Variants in AMOTL2 observed in about 807,000 individuals in gnomAD.
The protein encoded by AMOTL2 is angiomotin-like protein 2.
AMOTL2 carries 33 observed loss-of-function variants against 78.4 expected under a neutral mutation model. That is an observed-to-expected ratio of 0.42 (90% CI 0.32 to 0.56). AMOTL2 has a LOEUF of 0.56. AMOTL2 is among the 20% of genes least tolerant of loss of function. The pLI is 0.12. For synonymous variants in AMOTL2, 422 were observed against 428.8 expected (o/e 0.98, Z 0.20); for missense variants, 983 against 1,030.1 (o/e 0.95, Z 0.63).
chr3:134,364,061 G>A (rs540838812), intron 5 of AMOTL2, among the ~76,000 whole-genome samples: 49 of 152,312 alleles, frequency 3.2e-4, no homozygotes, highest in African/African-American at 1.2e-3. Context: ...AGGAGGGCAG[G>A]AAGGCAGGCG....
rs758673941 is a variant in AMOTL2, at chr3:134,370,920, C to T, written c.514G>A (p.Ala172Thr). 25 of 1,611,956 alleles carry T rather than the reference C, an allele frequency of 1.6e-5. No homozygotes were observed. Among genetic ancestry groups the T allele is most frequent in the Middle Eastern group, 3.3e-4 (2 of 6,044 alleles). The change falls in exon 2 of 10, where the codon GCC becomes ACC. Residue 172 changes from alanine to threonine, a missense_variant. Ala to Thr is a moderately conservative substitution (Grantham distance 58). Coordinates refer to ENST00000249883, the MANE Select transcript of AMOTL2 (RefSeq NM_016201.4). ...GAGCTCATGTGGCTGGGGGCCCGGG[C>T]GCCGTTCCTCTCCAGGGACAACTGA... ...LLQLSLERNGARAPSHMSSSH... is the reference protein window; with the variant it reads ...LLQLSLERNGTRAPSHMSSSH...
chr3:134,371,317 C>A lies in AMOTL2; in HGVS notation c.117G>T (p.Leu39=). 1 of 1,612,394 alleles carries A rather than the reference C, an allele frequency of 6.2e-7. No homozygotes were observed. Among genetic ancestry groups the A allele is most frequent in the African/African-American group, 1.3e-5 (1 of 75,040 alleles). The part of the protein sequence containing the change: ...RTLLAIQQQA[L]RGGAGTGGTG... ...TACCCCCAGTTCCAGCCCCACCCCTCAGGGCCTGCTGCTGGATGGCTAGCA... is the reference window on the plus strand; with the variant it reads ...TACCCCCAGTTCCAGCCCCACCCCTAAGGGCCTGCTGCTGGATGGCTAGCA... Residue 39 remains leucine (L), a synonymous_variant, in exon 2 of 10, where the codon CTG becomes CTT. Transcript: ENST00000249883.
In AMOTL2 at chr3:134,366,668, C is replaced by T; in HGVS notation, c.1042-241G>A. 9.0e-6 allele frequency: 4 copies of T among 442,090 alleles called. No homozygotes were observed. The South Asian group carries it at 1.1e-4, about 12-fold the overall frequency. The allele number at this position is 442,090 out of a possible 1,614,324, so 27.4% of individuals were successfully genotyped here. ...CCCAAGGACCAGATGCTGAGTGAAC[C>T]CAGGGCCAGGTACTTTGGAAGTAGC... is the stretch of plus-strand genomic sequence containing the variant. On this transcript the variant is annotated intron_variant, in intron 3 of 9. Coordinates refer to ENST00000249883, the MANE Select transcript of AMOTL2 (RefSeq NM_016201.4).
Position 134,371,024 on chromosome 3 carries a change from G to A in AMOTL2, c.410C>T (p.Pro137Leu), listed in dbSNP as rs139669173. The change falls in exon 2 of 10, where the codon CCG becomes CTG. Residue 137 changes from proline (P) to leucine (L), a missense_variant. Pro to Leu is a moderately conservative substitution (Grantham distance 98). Coordinates refer to ENST00000249883, the MANE Select transcript of AMOTL2 (RefSeq NM_016201.4). Reference protein sequence around the residue: ...HAGDRDPRGAPGGSRRQDEAL... With the variant: ...HAGDRDPRGALGGSRRQDEAL... ...CTCGTCCTGCCTCCGACTGCCTCCCGGGGCCCCACGGGGATCTCGGTCCCC... is the reference window on the plus strand; with the variant it reads ...CTCGTCCTGCCTCCGACTGCCTCCCAGGGCCCCACGGGGATCTCGGTCCCC... 5.5e-5 allele frequency: 88 copies of A among 1,604,266 alleles called. No individual in the cohort carries two copies. The highest frequency in any genetic ancestry group is 3.1e-4 in the Admixed American group (18 of 58,618).
chr3:134,361,490 C>T lies in AMOTL2; in HGVS notation c.1575+22G>A, dbSNP rs376131220. 5.7e-6 allele frequency: 9 copies of T among 1,583,408 alleles called. No individual in the cohort carries two copies. The African/African-American group carries it at 1.1e-4, about 19-fold the overall frequency. On this transcript the variant is annotated intron_variant, in intron 6 of 9. Coordinates refer to ENST00000249883, the MANE Select transcript of AMOTL2 (RefSeq NM_016201.4). ...CCAACATCCTCAGATGCTGCCCTAG[C>T]CTGGAGACTTTCTCAGCTCACCTGC...
rs530571349 is a variant in AMOTL2 at position 134,360,406 on chromosome 3, G to A, written c.1583C>T (p.Ala528Val). The A allele has an allele frequency of 1.2e-6, 2 of 1,610,406 alleles. No homozygotes were observed. Among genetic ancestry groups the A allele is most frequent in the Non-Finnish European group, 1.7e-6 (2 of 1,178,212 alleles). The change falls in exon 7 of 10, where the codon GCA becomes GTA. Residue 528 changes from alanine (A) to valine (V), a missense_variant. Physicochemically the swap from Ala to Val is moderately conservative, Grantham distance 64. Transcript: ENST00000249883. ...LKALRAQQRQAGAPGGSSGSG... is the reference protein window; with the variant it reads ...LKALRAQQRQVGAPGGSSGSG... ...GCCACTGCTACCACCTGGGGCACCT[G>A]CCTGTCTCTGCAGAGCAAGGAGTAG... is the stretch of plus-strand genomic sequence containing the variant.
In AMOTL2 at chr3:134,361,771, C is replaced by G; in HGVS notation, c.1316G>C (p.Arg439Pro). 1 of 1,575,994 alleles carries G rather than the reference C, an allele frequency of 6.3e-7. No individual in the cohort carries two copies. The highest frequency in any genetic ancestry group is 8.6e-7 in the Non-Finnish European group (1 of 1,158,128). ...EQQQEQEKLE[R>P]EMALLRGAIE... Reference sequence around the variant, plus strand: ...GGCGCCGCGCAGCAGTGCCATCTCTCGCTCCAGCTTCTCTTGCTCCTGCTG... The same window carrying G: ...GGCGCCGCGCAGCAGTGCCATCTCTGGCTCCAGCTTCTCTTGCTCCTGCTG... The change falls in exon 6 of 10, where the codon CGA becomes CCA. Residue 439 changes from arginine to proline, a missense_variant. Physicochemically the swap from Arg to Pro is moderately radical, Grantham distance 103. Transcript: ENST00000249883.
At chr3:134,363,693 G>A (rs2017473606) in intron 5 of AMOTL2, among the ~76,000 whole-genome samples, 1 of 152,188 alleles carries the variant, frequency 6.6e-6, no homozygotes, top group Admixed American at 6.5e-5. Flanking sequence ...AAAAGCAGAT[G>A]GCATTGGTGA....
chr3:134,369,842 C>T (rs1005738437), intron 2 of AMOTL2, among the ~76,000 whole-genome samples: 2 of 152,184 alleles, frequency 1.3e-5, no homozygotes, highest in Admixed American at 1.3e-4. Context: ...GGAAAAGATG[C>T]TGGGCAAGAT....
Position 134,367,741 on chromosome 3 carries a change from T to C in AMOTL2, c.797A>G (p.Gln266Arg). Reference protein sequence around the residue: ...LQQQQQYQYLQQSQEHPPPPH... With the variant: ...LQQQQQYQYLRQSQEHPPPPH... ...GGGAGGGGGGTGCTCCTGAGATTGC[T>C]GCAGGTACTGGTACTGCTGCTGCTG... Residue 266 changes from glutamine (Q) to arginine (R), a missense_variant, in exon 3 of 10, where the codon CAG becomes CGG. Physicochemically the swap from Gln to Arg is conservative, Grantham distance 43. Coordinates refer to ENST00000249883, the MANE Select transcript of AMOTL2 (RefSeq NM_016201.4). 1.2e-6 allele frequency: 2 copies of C among 1,613,826 alleles called. No homozygotes were observed. Among genetic ancestry groups the C allele is most frequent in the Non-Finnish European group, 1.7e-6 (2 of 1,180,002 alleles).
At chr3:134,373,939 C>T (rs2107751643) in intron 1 of AMOTL2, 2 of 647,646 alleles carry the variant, frequency 3.1e-6, no homozygotes, top group Non-Finnish European at 3.8e-6. Context: ...GGGGCAAAGG[C>T]ACCTGTAACC....
intron 3 of AMOTL2, 135 bp from the exon 4 acceptor site, chr3:134,366,562 A>G (rs2017613309): frequency 2.4e-6 from 2 of 850,092 alleles, no homozygotes; most frequent in South Asian, 1.8e-5. Context: ...CCAGGTGACT[A>G]TGGTGGGATG....
At chr3:134,373,925 G>C (rs905675758) in intron 1 of AMOTL2, 7 of 805,914 alleles carry the variant, frequency 8.7e-6, no homozygotes, top group Non-Finnish European at 7.5e-6. Context: ...TCTTGGACTA[G>C]TTGGGGGCAA....
rs1000307264 is a variant in AMOTL2 at position 134,358,554 on chromosome 3, C to T, written c.2270G>A (p.Arg757Lys). 6.2e-7 allele frequency: 1 copy of T among 1,613,592 alleles called. No individual in the cohort carries two copies. The highest frequency in any genetic ancestry group is 1.7e-5 in the Admixed American group (1 of 59,946). ...GGAGGACTTACCCAGAGAGGCTGCTCTCTGGCTACTGCTGCACCCCAGAAG... is the reference window on the plus strand; with the variant it reads ...GGAGGACTTACCCAGAGAGGCTGCTTTCTGGCTACTGCTGCACCCCAGAAG... Reference protein sequence around the residue: ...DSLLGCSSSQRAASLDSVATS... With the variant: ...DSLLGCSSSQKAASLDSVATS... Residue 757 changes from arginine to lysine, a missense_variant, in exon 9 of 10, where the codon AGA becomes AAA. Arg to Lys is a conservative substitution (Grantham distance 26). Transcript: ENST00000249883.
upstream of AMOTL2, chr3:134,374,673 C>A: frequency 2.0e-6 from 2 of 983,016 alleles, no homozygotes; most frequent in African/African-American, 3.5e-5. Context: ...GCCCGGCCCC[C>A]GAGCTCCGTT....
intron 1 of AMOTL2, among the ~76,000 whole-genome samples, chr3:134,372,739 T>C (rs923361744): frequency 6.6e-6 from 1 of 152,030 alleles, no homozygotes. Context: ...ACTGTGAGCC[T>C]AAAGTGCTGG....
chr3:134,370,672 T>A (rs375420479), intron 2 of AMOTL2, 28 bp downstream of exon 2: 2 of 1,495,290 alleles, frequency 1.3e-6, no homozygotes, highest in Non-Finnish European at 1.8e-6. Context: ...AAGCCAGGAG[T>A]TGGAAAGCCC....
intron 1 of AMOTL2, chr3:134,373,526 C>T (rs1338267360): frequency 1.0e-6 from 1 of 985,546 alleles, no homozygotes. Context: ...CTCTGCTGCA[C>T]TCGCCCGCTG....
chr3:134,358,825 G>A (rs2017207149), intron 8 of AMOTL2, 106 bp from the exon 9 acceptor site: 1 of 1,330,928 alleles, frequency 7.5e-7, no homozygotes, highest in Non-Finnish European at 1.1e-6. Flanking sequence ...GGAGTGGGCT[G>A]CTCTTGATTT....
Sources: allele counts gnomAD v4.1 joint callset (sites outside exome capture counted in the v4.1 genomes callset), GRCh38; gene constraint gnomAD v4.1.1; transcripts MANE v1.5; gene names NCBI Gene and HGNC (gene_info 2026-07-23, HGNC 2026-07-21).